Variants in ATXN2L observed in about 807,000 individuals in gnomAD.
The protein encoded by ATXN2L is ataxin 2 like.
ATXN2L carries 24 observed loss-of-function variants against 120.7 expected under a neutral mutation model. That is an observed-to-expected ratio of 0.20 (90% CI 0.14 to 0.28). ATXN2L has a LOEUF of 0.28. Ranked by LOEUF, ATXN2L falls within the 10% of genes least tolerant of loss-of-function variation. The probability of loss-of-function intolerance (pLI) is 1.00; values close to 1 mark genes in which losing one functional copy is unlikely to be tolerated. For missense variants in ATXN2L, 1,312 were observed against 1,432.3 expected (o/e 0.92, Z 1.36); for synonymous variants, 653 against 568.1 (o/e 1.15, Z -2.13).
Position 28,835,349 on chromosome 16 carries a change from C to T in ATXN2L, c.2635C>T (p.Pro879Ser). The change falls in exon 20 of 22, where the codon CCT becomes TCT. Residue 879 changes from proline (P) to serine (S), a missense_variant. By Grantham distance (74) the Pro-to-Ser change is moderately conservative (BLOSUM62 -1). Transcript: ENST00000336783. ...CCACCAGCCGCAGCCGGCTACCACGCCTACTGGAAGCCAGCCGCAGTCCCA... is the reference window on the plus strand; with the variant it reads ...CCACCAGCCGCAGCCGGCTACCACGTCTACTGGAAGCCAGCCGCAGTCCCA... ...HAHQPQPATT[P>S]TGSQPQSQHA... is the part of the protein sequence containing the mutation. 3.7e-6 allele frequency: 6 copies of T among 1,613,540 alleles called. No homozygotes were observed. The highest frequency in any genetic ancestry group is 5.1e-6 in the Non-Finnish European group (6 of 1,179,956).
At chr16:28,824,037 C>T (rs894781697) in intron 1 of ATXN2L, 1 of 940,950 alleles carries the variant, frequency 1.1e-6, no homozygotes, top group Non-Finnish European at 1.3e-6. Context: ...GTTGCTGCCT[C>T]CCCCTTCCCG....
At chr16:28,834,295 G>C (rs1485354857) in intron 16 of ATXN2L, 48 bp from the exon 17 acceptor site, 1 of 1,611,896 alleles carries the variant, frequency 6.2e-7, no homozygotes, top group South Asian at 1.1e-5. Flanking sequence ...GGCCTGTCTG[G>C]GCATTCGTGA....
chr16:28,824,614 T>G (rs1187496096), intron 1 of ATXN2L: 1 of 1,224,076 alleles, frequency 8.2e-7, no homozygotes, highest in Admixed American at 2.7e-5. Flanking sequence ...CCTCCCACAG[T>G]TTTGAGGCGT....
chr16:28,832,508 C>G lies in ATXN2L; in HGVS notation c.1529C>G (p.Ser510Cys), dbSNP rs1346378685. Reference sequence around the variant, plus strand: ...TTTACTTGAACAGTAAAAGAACTCTCTACCAAGGAACCTGGGAGAACTCTG... The same window carrying G: ...TTTACTTGAACAGTAAAAGAACTCTGTACCAAGGAACCTGGGAGAACTCTG... ...SLAPTDVKEL[S>C]TKEPGRTLEP... Residue 510 changes from serine (S) to cysteine (C), a missense_variant, in exon 12 of 22, where the codon TCT (serine) becomes TGT (cysteine). Transcript: ENST00000336783. 1.2e-5 allele frequency: 19 copies of G among 1,614,078 alleles called. No homozygotes were observed. Among genetic ancestry groups the G allele is most frequent in the Non-Finnish European group, 1.6e-5 (19 of 1,180,030 alleles).
Position 28,826,467 on chromosome 16 carries a change from A to G in ATXN2L, c.616+77A>G, listed in dbSNP as rs1002589482. On this transcript the variant is annotated intron_variant, in intron 5 of 21. Coordinates refer to ENST00000336783, the MANE Select transcript of ATXN2L (RefSeq NM_007245.4). ...AGGGTAGTTTGTGTGCAGGTGGAAC[A>G]TGGTGATGTGTTTGGTTTGTTTTTT... 10 of 1,491,822 alleles carry G rather than the reference A, an allele frequency of 6.7e-6. No individual in the cohort carries two copies. In the African/African-American group the frequency reaches 9.7e-5, roughly 14 times the overall value. The allele number at this position is 1,491,822 out of a possible 1,614,324, so 92.4% of individuals were successfully genotyped here. A position where few individuals can be genotyped will look rare whatever the true frequency, so the allele number is the denominator to read the frequency against.
intron 6 of ATXN2L, among the ~76,000 whole-genome samples, chr16:28,828,315 G>A (rs866218652): frequency 5.3e-5 from 8 of 152,226 alleles, no homozygotes; most frequent in Middle Eastern, 3.4e-3. Flanking sequence ...GGCCGGGCGC[G>A]GTGGCTCACA....
chr16:28,829,774 A>C, intron 7 of ATXN2L, 84 bp from the exon 8 acceptor site: 1 of 1,425,750 alleles, frequency 7.0e-7, no homozygotes, highest in Non-Finnish European at 9.9e-7. Context: ...TGAACTGGTG[A>C]TTGGACTTGT....
chr16:28,832,950 G>C (rs2055060863), intron 13 of ATXN2L, 63 bp downstream of exon 13: 1 of 1,600,468 alleles, frequency 6.2e-7, no homozygotes, highest in Non-Finnish European at 8.6e-7. Context: ...TCGTAGATGA[G>C]GCAAAGGACT....
chr16:28,835,024 G>T, intron 18 of ATXN2L, 34 bp from the exon 19 acceptor site: 1 of 1,592,094 alleles, frequency 6.3e-7, no homozygotes, highest in Admixed American at 1.7e-5. Flanking sequence ...CCAGCTGGCG[G>T]CTGTGCCAAC....
At position 28,834,323 on chromosome 16, in the gene ATXN2L, A is replaced by C. The variant is rs531247471; in HGVS notation, c.2173-20A>C. Reference sequence around the variant, plus strand: ...ATTCGTGAGCGAGTCATTCAGCCTCATCTGTGTCCTCATCCCCAGGCACCT... The same window carrying C: ...ATTCGTGAGCGAGTCATTCAGCCTCCTCTGTGTCCTCATCCCCAGGCACCT... On this transcript the variant is annotated intron_variant, in intron 16 of 21. Coordinates refer to ENST00000336783, the MANE Select transcript of ATXN2L (RefSeq NM_007245.4). The C allele has an allele frequency of 9.9e-6, 16 of 1,613,220 alleles. No individual in the cohort carries two copies. In the African/African-American group the frequency reaches 1.7e-4, roughly 17 times the overall value.
intron 7 of ATXN2L, 85 bp downstream of exon 7, chr16:28,829,577 T>C (rs1000743196): frequency 9.2e-7 from 1 of 1,091,912 alleles, no homozygotes; most frequent in Non-Finnish European, 1.4e-6. Context: ...AACATAGTTT[T>C]TGCTCATTTT....
Position 28,824,607 on chromosome 16 carries a change from C to G in ATXN2L, c.300-759C>G, listed in dbSNP as rs776623474. ...GGGGTGTGGAGGGGATACCCCTCCTCCCACAGTTTTGAGGCGTCAGGCTGC... is the reference window on the plus strand; with the variant it reads ...GGGGTGTGGAGGGGATACCCCTCCTGCCACAGTTTTGAGGCGTCAGGCTGC... On this transcript the variant is annotated intron_variant, in intron 1 of 21. Coordinates refer to ENST00000336783, the MANE Select transcript of ATXN2L (RefSeq NM_007245.4). The G allele has an allele frequency of 4.0e-6, 5 of 1,240,614 alleles. No homozygotes were observed. In the Admixed American group the frequency reaches 1.3e-4, roughly 32 times the overall value. The allele number at this position is 1,240,614 out of a possible 1,614,324, so 76.9% of individuals were successfully genotyped here. A position where few individuals can be genotyped will look rare whatever the true frequency, so the allele number is the denominator to read the frequency against.
chr16:28,824,535 C>T, intron 1 of ATXN2L: 1 of 1,287,708 alleles, frequency 7.8e-7, no homozygotes, highest in African/African-American at 1.5e-5. Flanking sequence ...ATTGGTGATC[C>T]CCGCAGAGTG....
intron 1 of ATXN2L, 87 bp from the exon 2 acceptor site, chr16:28,825,279 G>A (rs779257367): frequency 4.1e-6 from 5 of 1,226,340 alleles, no homozygotes; most frequent in Non-Finnish European, 6.0e-6. Flanking sequence ...TCATCAGGTG[G>A]TATATACTTC....
Position 28,833,275 on chromosome 16 carries a change from C to T in ATXN2L, c.1876C>T (p.Pro626Ser), listed in dbSNP as rs2055196074. Residue 626 changes from proline to serine, a missense_variant, in exon 14 of 22, where the codon CCA becomes TCA. By Grantham distance (74) the Pro-to-Ser change is moderately conservative (BLOSUM62 -1). Coordinates refer to ENST00000336783, the MANE Select transcript of ATXN2L (RefSeq NM_007245.4). Reference protein sequence around the residue: ...GGTEGPEQPPPPCPSQTGSPP... With the variant: ...GGTEGPEQPPSPCPSQTGSPP... ...CACTGAGGGGCCAGAGCAGCCCCCA[C>T]CACCTTGTCCAAGCCAAACTGGCAG... 3.1e-6 allele frequency: 5 copies of T among 1,614,230 alleles called. No homozygotes were observed. Among genetic ancestry groups the T allele is most frequent in the East Asian group, 2.2e-5 (1 of 44,880 alleles).
chr16:28,832,953 A>G, intron 13 of ATXN2L, 66 bp downstream of exon 13: 1 of 1,599,646 alleles, frequency 6.3e-7, no homozygotes, highest in African/African-American at 1.3e-5. Context: ...TAGATGAGGC[A>G]AAGGACTAGA....
chr16:28,834,820 T>A (rs1435901086), intron 18 of ATXN2L, 127 bp downstream of exon 18: 13 of 1,260,612 alleles, frequency 1.0e-5, no homozygotes, highest in Non-Finnish European at 1.4e-5. Context: ...CTCTGTGGTA[T>A]TGGCGGTGTC....
intron 4 of ATXN2L, 137 bp downstream of exon 4, chr16:28,825,978 C>T (rs2051799826): frequency 2.1e-6 from 2 of 948,176 alleles, no homozygotes; most frequent in Non-Finnish European, 3.1e-6. Context: ...AATAGTGCTG[C>T]AGGGAAAAAA....
At chr16:28,825,054 AATT>A (rs2051315008) in intron 1 of ATXN2L, among the ~76,000 whole-genome samples, 1 of 134,256 alleles carries the variant, frequency 7.4e-6, no homozygotes, top group Non-Finnish European at 1.7e-5. Flanking sequence ...CTCTACTAAA[AATT>A]AAAAAAAAAA....
Sources: allele counts gnomAD v4.1 joint callset (sites outside exome capture counted in the v4.1 genomes callset), GRCh38; gene constraint gnomAD v4.1.1; transcripts MANE v1.5; gene names NCBI Gene and HGNC (gene_info 2026-07-23, HGNC 2026-07-21).